KDM3A: variants seen among roughly 807,000 people sequenced by gnomAD.
The protein encoded by KDM3A is lysine demethylase 3A.
Under a neutral mutation model 158.0 loss-of-function variants are expected in KDM3A, and 60 were observed. The ratio of observed to expected loss-of-function variants is 0.38; its 90% CI spans 0.31 to 0.47. The LOEUF is 0.47. Among genes scored for constraint, KDM3A ranks in the 20% least tolerant of loss-of-function variants. KDM3A has a pLI of 0.99. For missense variants in KDM3A, 1,319 were observed against 1,574.3 expected, an observed-to-expected ratio of 0.84 and a Z score of 2.74; for synonymous variants, 608 against 549.3, an observed-to-expected ratio of 1.11 and a Z score of -1.49.
intron 2 of KDM3A, among the ~76,000 whole-genome samples, chr2:86,444,878 A>C (rs555089242): frequency 6.6e-6 from 1 of 152,364 alleles, no homozygotes; most frequent in African/African-American, 2.4e-5. Flanking sequence ...GAATATGTCT[A>C]GTAGTTGGTT....
chr2:86,464,938 A>G (rs905456151), intron 9 of KDM3A, among the ~76,000 whole-genome samples: 4 of 152,202 alleles, frequency 2.6e-5, no homozygotes, highest in African/African-American at 9.6e-5. Flanking sequence ...AAAAGTAGTC[A>G]GTCTGGGATA....
chr2:86,451,668 G>C (rs1164515857), intron 4 of KDM3A, among the ~76,000 whole-genome samples: 1 of 152,140 alleles, frequency 6.6e-6, no homozygotes, highest in Non-Finnish European at 1.5e-5. Context: ...GTGTTGTTCA[G>C]TGGCCAACTG....
upstream of KDM3A, among the ~76,000 whole-genome samples, chr2:86,439,302 T>C (rs985034522): frequency 6.6e-6 from 1 of 152,040 alleles, no homozygotes; most frequent in African/African-American, 2.4e-5. Flanking sequence ...TTTGCATTCA[T>C]ATAACACTAA....
intron 18 of KDM3A, chr2:86,483,768 C>A (rs1481836309): frequency 2.4e-6 from 1 of 416,846 alleles, no homozygotes; most frequent in Non-Finnish European, 4.3e-6. Flanking sequence ...TAGATGCTTA[C>A]CCATGTAGTT....
At chr2:86,448,316 T>C (rs993770305) in intron 2 of KDM3A, among the ~76,000 whole-genome samples, 2 of 152,204 alleles carry the variant, frequency 1.3e-5, no homozygotes, top group East Asian at 1.9e-4. Context: ...TGTGGGAATT[T>C]AGTGCCTTCT....
chr2:86,473,811 A>T (rs1480258286), intron 11 of KDM3A, among the ~76,000 whole-genome samples: 1 of 152,234 alleles, frequency 6.6e-6, no homozygotes, highest in Non-Finnish European at 1.5e-5. Flanking sequence ...TTATGAAAAG[A>T]ACATTCAAGT....
intron 19 of KDM3A, 139 bp downstream of exon 19, chr2:86,484,297 T>C: frequency 1.5e-6 from 1 of 674,792 alleles, no homozygotes; most frequent in South Asian, 2.0e-5. Flanking sequence ...TCTCCTCCCC[T>C]TCCTTGTTAC....
In KDM3A at chr2:86,474,700, G is replaced by GTT. The variant is rs72545104; in HGVS notation, c.1725-75_1725-74dup. ...AAAAGTAATTACAAGTTGTAAATAA[G>GTT]TTGTGTGTGTGTGTGTGTGTGTGTG... On this transcript the variant is annotated intron_variant, in intron 11 of 25. Coordinates refer to ENST00000312912, the MANE Select transcript of KDM3A (RefSeq NM_018433.6). 1.3e-4 allele frequency: 56 copies of GTT among 430,602 alleles called. No individual in the cohort carries two copies. In the African/African-American group the frequency reaches 1.8e-3, roughly 14 times the overall value. The allele number at this position is 430,602 out of a possible 1,614,324, so 26.7% of individuals were successfully genotyped here.
chr2:86,478,559 A>G, intron 14 of KDM3A, 49 bp from the exon 15 acceptor site: 1 of 1,601,742 alleles, frequency 6.2e-7, no homozygotes, highest in Non-Finnish European at 8.5e-7. Flanking sequence ...GTTGAGGTTG[A>G]AAGTTCCTAA....
intron 25 of KDM3A, 120 bp downstream of exon 25, chr2:86,491,395 G>A (rs1045126551): frequency 2.1e-5 from 21 of 983,746 alleles, no homozygotes; most frequent in African/African-American, 2.1e-4. Flanking sequence ...ACAGTGAGTC[G>A]AGGAACTTGC....
chr2:86,445,284 A>G lies in KDM3A; in HGVS notation c.186+3051A>G, dbSNP rs117580854. The stretch of plus-strand genomic sequence containing the variant: ...TGGAGAAACAGTTTAGAAAGAATCT[A>G]CTGATGAGGCAGTAGCATTCTCTTC... On this transcript the variant is annotated intron_variant, in intron 2 of 25. Transcript: ENST00000312912. Among the ~76,000 whole-genome samples, 6 of 152,336 alleles carry G rather than the reference A, an allele frequency of 3.9e-5. No homozygotes were observed. The East Asian group carries it at 1.2e-3, about 29-fold the overall frequency.
chr2:86,468,353 G>T (rs1005064549), intron 10 of KDM3A, among the ~76,000 whole-genome samples: 2 of 152,116 alleles, frequency 1.3e-5, no homozygotes, highest in Admixed American at 1.3e-4. Flanking sequence ...CCATATCCTT[G>T]TTCTATTTGT....
At chr2:86,468,172 G>A (rs764376280) in intron 10 of KDM3A, among the ~76,000 whole-genome samples, 2 of 152,206 alleles carry the variant, frequency 1.3e-5, no homozygotes, top group Non-Finnish European at 2.9e-5. Context: ...AATCTTTTTA[G>A]TATAGCATTG....
At chr2:86,451,999 T>C (rs1334597723) in intron 4 of KDM3A, among the ~76,000 whole-genome samples, 2 of 152,220 alleles carry the variant, frequency 1.3e-5, no homozygotes, top group Non-Finnish European at 1.5e-5. Context: ...TGCTAAAATA[T>C]ATTTGTAACC....
chr2:86,458,146 C>T (rs1260970617), intron 8 of KDM3A, among the ~76,000 whole-genome samples: 1 of 152,124 alleles, frequency 6.6e-6, no homozygotes, highest in Admixed American at 6.5e-5. Context: ...ATGAATAAAT[C>T]TGGGTTTCTT....
chr2:86,446,925 C>T (rs1194889187), intron 2 of KDM3A, among the ~76,000 whole-genome samples: 4 of 152,190 alleles, frequency 2.6e-5, no homozygotes, highest in East Asian at 3.8e-4. Flanking sequence ...AATTCTCCCA[C>T]CTCAGCCTCC....
chr2:86,485,106 AAC>A lies in KDM3A; in HGVS notation c.3182+79_3182+80del, dbSNP rs1674118061. The A allele has an allele frequency of 1.1e-5, 9 of 829,992 alleles. No homozygotes were observed. In the East Asian group the frequency reaches 2.0e-4, roughly 19 times the overall value. 51.4% of individuals were successfully genotyped at this position (829,992 alleles called of 1,614,324 possible). On this transcript the variant is annotated intron_variant, in intron 20 of 25. Coordinates refer to ENST00000312912, the MANE Select transcript of KDM3A (RefSeq NM_018433.6). ...AAATTCTTTTTTGAGGTAGTGAGAA[AAC>A]AGTTTTCAAGAAAATAACAAAAGTT...
chr2:86,438,858 T>TA (rs1300436824), upstream of KDM3A, among the ~76,000 whole-genome samples: 1 of 152,178 alleles, frequency 6.6e-6, no homozygotes, highest in East Asian at 1.9e-4. Context: ...TCATTCATAA[T>TA]GTATTTTGGT....
chr2:86,482,735 C>A (rs1251169256), intron 18 of KDM3A, 41 bp downstream of exon 18: 1 of 1,596,286 alleles, frequency 6.3e-7, no homozygotes, highest in Non-Finnish European at 8.5e-7. Flanking sequence ...TTCAGAACCC[C>A]CTTCTCAGTT....
Sources: gnomAD v4.1 joint callset for allele counts (sites outside exome capture counted in the v4.1 genomes callset) on GRCh38, gnomAD v4.1.1 for gene constraint, MANE v1.5 for transcripts, NCBI Gene and HGNC (gene_info 2026-07-23, HGNC 2026-07-21) for gene names.